NPAP1: variants seen among roughly 807,000 people sequenced by gnomAD.
The protein encoded by NPAP1 is nuclear pore associated protein 1, also known as nuclear pore-associated protein 1.
For synonymous variants in NPAP1, 616 were observed against 581.4 expected, an observed-to-expected ratio of 1.06 and a Z score of -0.86; for missense variants, 1,483 against 1,454.5, an observed-to-expected ratio of 1.02 and a Z score of -0.32.
Position 24,677,708 on chromosome 15 carries a change from C to T in NPAP1, c.1841C>T (p.Pro614Leu), listed in dbSNP as rs777875615. The change falls in exon 1 of 1, where the codon CCG (proline) becomes CTG (leucine). Residue 614 changes from proline to leucine, a missense_variant. Physicochemically the swap from Pro to Leu is moderately conservative, Grantham distance 98 (BLOSUM62 -3). Coordinates refer to ENST00000329468, the MANE Select transcript of NPAP1 (RefSeq NM_018958.3). ...QIHCSAEQRH[P>L]GKTSVYTSPL... ...CATTGCAGTGCAGAGCAGAGGCACC[C>T]GGGAAAGACATCAGTCTACACATCC... The T allele has an allele frequency of 5.0e-6, 8 of 1,614,160 alleles. No individual in the cohort carries two copies. Among genetic ancestry groups the T allele is most frequent in the Middle Eastern group, 1.6e-4 (1 of 6,062 alleles).
Position 24,677,271 on chromosome 15 carries a change from C to T in NPAP1, c.1404C>T (p.Asp468=), listed in dbSNP as rs1303580737. ...ACTCTCCTCTGGCTCTTCCTGCTGACCTTGTTCCCATTTTGGGTGATCAGT... is the reference window on the plus strand; with the variant it reads ...ACTCTCCTCTGGCTCTTCCTGCTGATCTTGTTCCCATTTTGGGTGATCAGT... ...IPNSPLALPA[D]LVPILGDQSN... is the part of the protein sequence containing the mutation. The change falls in exon 1 of 1, where the codon GAC becomes GAT. Residue 468 remains aspartate, a synonymous_variant. Transcript: ENST00000329468. The T allele has an allele frequency of 1.2e-6, 2 of 1,614,058 alleles. No individual in the cohort carries two copies. The highest frequency in any genetic ancestry group is 1.7e-6 in the Non-Finnish European group (2 of 1,180,038).
Position 24,679,096 on chromosome 15 carries a change from C to T in NPAP1, c.3229C>T (p.Pro1077Ser), listed in dbSNP as rs751116914. The stretch of plus-strand genomic sequence containing the variant: ...TGCACCACAAGGGGCTAGCAACATT[C>T]CTGTATTTGGATATACTTCTGCTGC... ...AAAPQGASNIPVFGYTSAAAY... is the reference protein window; with the variant it reads ...AAAPQGASNISVFGYTSAAAY... Residue 1077 changes from proline (P) to serine (S), a missense_variant, in exon 1 of 1, where the codon CCT becomes TCT. Physicochemically the swap from Pro to Ser is moderately conservative, Grantham distance 74. Transcript: ENST00000329468. 17 of 1,614,102 alleles carry T rather than the reference C, an allele frequency of 1.1e-5. No individual in the cohort carries two copies. The South Asian group carries it at 1.9e-4, about 18-fold the overall frequency.
rs527914225 is a variant in NPAP1, at chr15:24,680,493, G to A, written c.*1155G>A. On this transcript the variant is annotated 3_prime_UTR_variant, in exon 1 of 1. Transcript: ENST00000329468. The stretch of plus-strand genomic sequence containing the variant: ...CCTGCACATACAGTTCTCATAAATT[G>A]ACATTGTTCCAGGAGGAATGGGCTC... The A allele has an allele frequency of 3.6e-5, 6 of 167,166 alleles. No homozygotes were observed. The South Asian group carries it at 1.2e-3, about 35-fold the overall frequency. 10.4% of individuals were successfully genotyped at this position (167,166 alleles called of 1,614,324 possible). A position where few individuals can be genotyped will look rare whatever the true frequency, so the allele number is the denominator to read the frequency against.
rs1206282536 is a variant in NPAP1, at chr15:24,675,976, C to T, written c.109C>T (p.Arg37Trp). 3.1e-6 allele frequency: 5 copies of T among 1,595,444 alleles called. No homozygotes were observed. Among genetic ancestry groups the T allele is most frequent in the South Asian group, 1.1e-5 (1 of 89,458 alleles). The stretch of plus-strand genomic sequence containing the variant: ...GTCCCGGGACGCCTCCCCGCCCGGT[C>T]GGGCTCACTCTGTACCCACCCCGCG... ...PLSRDASPPG[R>W]AHSVPTPRPF... Residue 37 changes from arginine to tryptophan, a missense_variant, in exon 1 of 1, where the codon CGG becomes TGG. By Grantham distance (101) the Arg-to-Trp change is moderately radical. Transcript: ENST00000329468.
chr15:24,679,507 C>G lies in NPAP1; in HGVS notation c.*169C>G. ...GAGGGGACAACAACATCCCTGTGCT[C>G]CCTTTCTCTGTCAGTACACATGGGT... On this transcript the variant is annotated 3_prime_UTR_variant, in exon 1 of 1. Transcript: ENST00000329468. 1 of 625,972 alleles carries G rather than the reference C, an allele frequency of 1.6e-6. No individual in the cohort carries two copies. The highest frequency in any genetic ancestry group is 2.9e-6 in the Non-Finnish European group (1 of 347,088). The allele number at this position is 625,972 out of a possible 1,614,324, so 38.8% of individuals were successfully genotyped here. A position where few individuals can be genotyped will look rare whatever the true frequency, so the allele number is the denominator to read the frequency against.
rs2049024394 is a variant in NPAP1, at chr15:24,682,605, A to G, written c.*3267A>G. On this transcript the variant is annotated 3_prime_UTR_variant, in exon 1 of 1. Coordinates refer to ENST00000329468, the MANE Select transcript of NPAP1 (RefSeq NM_018958.3). ...TACCACAGTTCCCTCCTCCAGAGAT[A>G]GTGTTTAGCTACTTTGATGTCACTC... The G allele has an allele frequency of 6.0e-6, 1 of 167,036 alleles. No individual in the cohort carries two copies. 10.3% of individuals were successfully genotyped at this position (167,036 alleles called of 1,614,324 possible).
chr15:24,676,582 A>G lies in NPAP1; in HGVS notation c.715A>G (p.Met239Val), dbSNP rs1256235518. ...PASSCLEGPA[M>V]PSTHSQAGCA... ...GAGCTCCTGCTTGGAAGGCCCTGCCATGCCCAGCACACACAGCCAGGCCGG... is the reference window on the plus strand; with the variant it reads ...GAGCTCCTGCTTGGAAGGCCCTGCCGTGCCCAGCACACACAGCCAGGCCGG... Residue 239 changes from methionine (M) to valine (V), a missense_variant, in exon 1 of 1, where the codon ATG (methionine) becomes GTG (valine). Transcript: ENST00000329468. 2.5e-6 allele frequency: 4 copies of G among 1,614,110 alleles called. No individual in the cohort carries two copies. The highest frequency in any genetic ancestry group is 3.4e-6 in the Non-Finnish European group (4 of 1,180,038).
In NPAP1 at chr15:24,676,360, G is replaced by T; in HGVS notation, c.493G>T (p.Asp165Tyr). 6.5e-7 allele frequency: 1 copy of T among 1,547,438 alleles called. No homozygotes were observed. Among genetic ancestry groups the T allele is most frequent in the Non-Finnish European group, 8.7e-7 (1 of 1,150,672 alleles). Residue 165 changes from aspartate to tyrosine, a missense_variant, in exon 1 of 1, where the codon GAT becomes TAT. Transcript: ENST00000329468. ...EGPRRVKKDEDPVQIEGEDDE... is the reference protein window; with the variant it reads ...EGPRRVKKDEYPVQIEGEDDE... ...GCCCAGAAGAGTGAAGAAGGATGAG[G>T]ATCCGGTGCAGATCGAAGGGGAGGA...
chr15:24,676,901 T>A lies in NPAP1; in HGVS notation c.1034T>A (p.Leu345Gln), dbSNP rs764547724. 2 of 1,613,616 alleles carry A rather than the reference T, an allele frequency of 1.2e-6. No homozygotes were observed. Among genetic ancestry groups the A allele is most frequent in the Non-Finnish European group, 1.7e-6 (2 of 1,180,044 alleles). ...LLPLPPSLPL[L>Q]WDRGELPPPA... is the part of the protein sequence containing the mutation. ...CCGCTGCCCCCTTCACTGCCATTGC[T>A]GTGGGATCGAGGTGAGCTTCCCCCA... Residue 345 changes from leucine (L) to glutamine (Q), a missense_variant, in exon 1 of 1, where the codon CTG becomes CAG. Coordinates refer to ENST00000329468, the MANE Select transcript of NPAP1 (RefSeq NM_018958.3).
Position 24,679,460 on chromosome 15 carries a change from C to G in NPAP1, c.*122C>G. On this transcript the variant is annotated 3_prime_UTR_variant, in exon 1 of 1. Coordinates refer to ENST00000329468, the MANE Select transcript of NPAP1 (RefSeq NM_018958.3). ...GCCAAGCACCTGCCATGTACCTCTC[C>G]AGAACTCAGGTTGTGCACCAGGAGG... The G allele has an allele frequency of 1.3e-6, 1 of 746,112 alleles. No homozygotes were observed. The highest frequency in any genetic ancestry group is 2.2e-6 in the Non-Finnish European group (1 of 444,832). 46.2% of individuals were successfully genotyped at this position (746,112 alleles called of 1,614,324 possible).
chr15:24,676,171 G>A lies in NPAP1; in HGVS notation c.304G>A (p.Ala102Thr), dbSNP rs2141307433. The change falls in exon 1 of 1, where the codon GCT (alanine) becomes ACT (threonine). Residue 102 changes from alanine (A) to threonine (T), a missense_variant. Coordinates refer to ENST00000329468, the MANE Select transcript of NPAP1 (RefSeq NM_018958.3). ...LAIRKTPMLP[A>T]RNPPRFGHPS... ...CATCAGGAAGACACCCATGCTGCCT[G>A]CTCGGAACCCCCCGAGGTTTGGACA... 1 of 1,574,970 alleles carries A rather than the reference G, an allele frequency of 6.3e-7. No individual in the cohort carries two copies. The highest frequency in any genetic ancestry group is 1.8e-5 in the Admixed American group (1 of 54,262).
chr15:24,676,404 C>A lies in NPAP1; in HGVS notation c.537C>A (p.Pro179=), dbSNP rs1566755440. The change falls in exon 1 of 1, where the codon CCC becomes CCA. Residue 179 remains proline, a synonymous_variant. Coordinates refer to ENST00000329468, the MANE Select transcript of NPAP1 (RefSeq NM_018958.3). ...GGGAGGATGACGAGAAAAGGACCCC[C>A]CTTAGCAGCGGAGAAGCATCGTCCA... The part of the protein sequence containing the change: ...IEGEDDEKRT[P]LSSGEASSTS... The A allele has an allele frequency of 5.0e-6, 8 of 1,596,578 alleles. No homozygotes were observed. In the South Asian group the frequency reaches 9.1e-5, roughly 18 times the overall value.
chr15:24,675,906 C>T lies in NPAP1; in HGVS notation c.39C>T (p.Arg13=), dbSNP rs2048971382. 2 of 1,579,720 alleles carry T rather than the reference C, an allele frequency of 1.3e-6. No homozygotes were observed. The highest frequency in any genetic ancestry group is 1.7e-6 in the Non-Finnish European group (2 of 1,166,532). The change falls in exon 1 of 1, where the codon CGC becomes CGT. Residue 13 remains arginine, a synonymous_variant. Transcript: ENST00000329468. ...NLLSKFRPGC[R]RRPLPGPGRG... ...TTAGTAAATTTAGACCCGGGTGCCG[C>T]CGCCGGCCCCTGCCAGGGCCAGGGC...
At chr15:24,676,688 AG>A in the NPAP1 span, 1 of 1,614,082 alleles carries the variant, frequency 6.2e-7, no homozygotes, top group Non-Finnish European at 8.5e-7. Flanking sequence ...CTGCTGCAGC[AG>A]AAGTTGGCTG....
rs774790100 is a variant in NPAP1 at position 24,676,638 on chromosome 15, G to A, written c.771G>A (p.Pro257=). ...GCARHLGKPD[P]DATAPPEPAV... ...CCCGGCATCTTGGAAAGCCTGATCC[G>A]GATGCAACAGCGCCCCCTGAGCCAG... The change falls in exon 1 of 1, where the codon CCG becomes CCA. Residue 257 remains proline (P), a synonymous_variant. Coordinates refer to ENST00000329468, the MANE Select transcript of NPAP1 (RefSeq NM_018958.3). 12 of 1,613,800 alleles carry A rather than the reference G, an allele frequency of 7.4e-6. No individual in the cohort carries two copies. The East Asian group carries it at 1.6e-4, about 21-fold the overall frequency.
rs2049013848 is a variant in NPAP1 at position 24,681,079 on chromosome 15, C to T, written c.*1741C>T. 1 of 167,198 alleles carries T rather than the reference C, an allele frequency of 6.0e-6. No individual in the cohort carries two copies. The highest frequency in any genetic ancestry group is 1.5e-5 in the Non-Finnish European group (1 of 68,158). 10.4% of individuals were successfully genotyped at this position (167,198 alleles called of 1,614,324 possible). A position where few individuals can be genotyped will look rare whatever the true frequency, so the allele number is the denominator to read the frequency against. On this transcript the variant is annotated 3_prime_UTR_variant, in exon 1 of 1. Coordinates refer to ENST00000329468, the MANE Select transcript of NPAP1 (RefSeq NM_018958.3). ...GCTCAAAGGAAGGATCCCTGGTGTCCTCATGGAGCAGTTAGTAAGGAAATG... is the reference window on the plus strand; with the variant it reads ...GCTCAAAGGAAGGATCCCTGGTGTCTTCATGGAGCAGTTAGTAAGGAAATG...
In NPAP1 at chr15:24,677,448, TTCC is replaced by T. The variant is rs772443809; in HGVS notation, c.1583_1585del (p.Ser528del). On this transcript the variant is annotated inframe_deletion, in exon 1 of 1. Coordinates refer to ENST00000329468, the MANE Select transcript of NPAP1 (RefSeq NM_018958.3). ...TGTGTGTGGATTCCCCTCCTCCTCTTTCCTTCCTGACTCTTCTTCCAGTCCCTT... is the reference window on the plus strand; with the variant it reads ...TGTGTGTGGATTCCCCTCCTCCTCTTTTCCTGACTCTTCTTCCAGTCCCTT... The T allele has an allele frequency of 1.2e-6, 2 of 1,614,114 alleles. No homozygotes were observed. The highest frequency in any genetic ancestry group is 4.5e-5 in the East Asian group (2 of 44,856).
Position 24,676,823 on chromosome 15 carries a change from G to A in NPAP1, c.956G>A (p.Arg319Lys), listed in dbSNP as rs765927191. Reference sequence around the variant, plus strand: ...CCTCCAAGGAGCGCTGCTCCTCCCAGAGCTGCCCGCAACAGGCCCTGCAAA... The same window carrying A: ...CCTCCAAGGAGCGCTGCTCCTCCCAAAGCTGCCCGCAACAGGCCCTGCAAA... ...CIPPRSAAPP[R>K]AARNRPCKRK... is the part of the protein sequence containing the mutation. The change falls in exon 1 of 1, where the codon AGA becomes AAA. Residue 319 changes from arginine (R) to lysine (K), a missense_variant. Arg to Lys is a conservative substitution (Grantham distance 26, BLOSUM62 2). Coordinates refer to ENST00000329468, the MANE Select transcript of NPAP1 (RefSeq NM_018958.3). The A allele has an allele frequency of 6.2e-7, 1 of 1,612,932 alleles. No homozygotes were observed. Among genetic ancestry groups the A allele is most frequent in the Non-Finnish European group, 8.5e-7 (1 of 1,180,018 alleles).
rs1206680791 is a variant in NPAP1, at chr15:24,677,969, A to T, written c.2102A>T (p.His701Leu). ...SKPPIETNAM[H>L]TTPPSKAVIL... ...CCTCCCATTGAAACCAATGCTATGCATACCACTCCTCCTTCCAAGGCTGTC... is the reference window on the plus strand; with the variant it reads ...CCTCCCATTGAAACCAATGCTATGCTTACCACTCCTCCTTCCAAGGCTGTC... Residue 701 changes from histidine (H) to leucine (L), a missense_variant, in exon 1 of 1, where the codon CAT becomes CTT. Coordinates refer to ENST00000329468, the MANE Select transcript of NPAP1 (RefSeq NM_018958.3). 6.2e-7 allele frequency: 1 copy of T among 1,613,702 alleles called. No individual in the cohort carries two copies. The highest frequency in any genetic ancestry group is 8.5e-7 in the Non-Finnish European group (1 of 1,179,968).
Sources: allele counts gnomAD v4.1 joint callset, GRCh38; gene constraint gnomAD v4.1.1; transcripts MANE v1.5; gene names NCBI Gene and HGNC (gene_info 2026-07-23, HGNC 2026-07-21).